Variants in DDX60 observed in about 807,000 individuals in gnomAD.
DDX60 encodes DExD/H-box helicase 60.
DDX60 carries 165 observed loss-of-function variants against 212.8 expected under a neutral mutation model. The ratio of observed to expected loss-of-function variants is 0.78; its 90% CI spans 0.68 to 0.88. The LOEUF is 0.88. Ranked by LOEUF, DDX60 falls within the 40% of genes least tolerant of loss-of-function variation. The pLI is 0.00. For missense variants in DDX60, 1,905 were observed against 2,003.9 expected, an observed-to-expected ratio of 0.95 and a Z score of 0.94; for synonymous variants, 703 against 685.3, an observed-to-expected ratio of 1.03 and a Z score of -0.40.
At chr4:168,270,657 T>C (rs929539132) in intron 19 of DDX60, among the ~76,000 whole-genome samples, 11 of 152,182 alleles carry the variant, frequency 7.2e-5, no homozygotes, top group East Asian at 1.9e-4. Flanking sequence ...TGATGCAATA[T>C]GAGATTAACC....
intron 33 of DDX60, among the ~76,000 whole-genome samples, chr4:168,227,063 G>A (rs1733281718): frequency 6.6e-6 from 1 of 151,992 alleles, no homozygotes; most frequent in African/African-American, 2.4e-5. Context: ...TAAAAAGTTG[G>A]TGTTATTCTC....
chr4:168,301,744 A>G (rs1394130462), intron 6 of DDX60, among the ~76,000 whole-genome samples: 1 of 152,226 alleles, frequency 6.6e-6, no homozygotes, highest in Non-Finnish European at 1.5e-5. Flanking sequence ...GTTTGAGAAG[A>G]AACAGGATCT....
intron 30 of DDX60, among the ~76,000 whole-genome samples, chr4:168,243,241 T>C (rs938189971): frequency 2.0e-5 from 3 of 152,168 alleles, no homozygotes; most frequent in African/African-American, 7.2e-5. Flanking sequence ...CCCAAAGCAA[T>C]TGCAACAAAA....
At chr4:168,250,629 G>A (rs561042916) in intron 28 of DDX60, among the ~76,000 whole-genome samples, 1 of 150,820 alleles carries the variant, frequency 6.6e-6, no homozygotes, top group African/African-American at 2.4e-5. Context: ...GGGTTCAAGC[G>A]ATTCTTCTGC....
intron 6 of DDX60, among the ~76,000 whole-genome samples, chr4:168,300,734 C>T (rs1447317317): frequency 6.6e-6 from 1 of 151,974 alleles, no homozygotes; most frequent in East Asian, 1.9e-4. Context: ...AACTGTATTA[C>T]ATAATAAAGG....
At chr4:168,284,777 T>TA in intron 12 of DDX60, 43 bp downstream of exon 12, 2 of 970,486 alleles carry the variant, frequency 2.1e-6, no homozygotes, top group Non-Finnish European at 3.0e-6. Context: ...AGGCAGAGAG[T>TA]AAAGTAGATT....
chr4:168,311,331 C>T lies in DDX60; in HGVS notation c.-72G>A. 1 of 1,534,318 alleles carries T rather than the reference C, an allele frequency of 6.5e-7. No homozygotes were observed. The highest frequency in any genetic ancestry group is 8.9e-7 in the Non-Finnish European group (1 of 1,120,860). ...GTAGCAAATACCCTTTATTTTGGTA[C>T]CTCTAAGTGGCAGTTCTTAATGAAA... On this transcript the variant is annotated 5_prime_UTR_variant, in exon 2 of 38. Transcript: ENST00000393743.
At chr4:168,238,236 C>CG in intron 30 of DDX60, among the ~76,000 whole-genome samples, 1 of 80,892 alleles carries the variant, frequency 1.2e-5, no homozygotes, top group Non-Finnish European at 2.5e-5. Flanking sequence ...TATGAAATTC[C>CG]AAAAAAAAAA....
chr4:168,293,764 C>T (rs1387434160), intron 7 of DDX60, 23 bp downstream of exon 7: 2 of 1,565,770 alleles, frequency 1.3e-6, no homozygotes, highest in Non-Finnish European at 1.7e-6. Context: ...TAGTATTTCT[C>T]AGTAAAGTTA....
In DDX60 at chr4:168,278,574, C is replaced by T. The variant is rs2149524112; in HGVS notation, c.1978+1761G>A. On this transcript the variant is annotated intron_variant, in intron 14 of 37. Coordinates refer to ENST00000393743, the MANE Select transcript of DDX60 (RefSeq NM_017631.6). ...GCTCAGTGGCTCACGCCTGTAATCC[C>T]AGCAATTTGAAAAGCTAAGGTGGGC... is the stretch of plus-strand genomic sequence containing the variant. 2.0e-5 allele frequency among the ~76,000 whole-genome samples: 3 copies of T among 152,296 alleles called. No homozygotes were observed. In the Middle Eastern group the frequency reaches 0.01, roughly 518 times the overall value.
At chr4:168,306,781 C>T in intron 4 of DDX60, 61 bp from the exon 5 acceptor site, 1 of 1,288,124 alleles carries the variant, frequency 7.8e-7, no homozygotes, top group Non-Finnish European at 1.1e-6. Flanking sequence ...ATTTAGTTGG[C>T]TAACACATCA....
At chr4:168,307,182 T>C (rs891252974) in intron 4 of DDX60, among the ~76,000 whole-genome samples, 7 of 152,084 alleles carry the variant, frequency 4.6e-5, no homozygotes, top group Non-Finnish European at 8.8e-5. Flanking sequence ...AAACATTAGA[T>C]CGGAAGCCTA....
chr4:168,310,133 T>C (rs1737066294), intron 3 of DDX60, among the ~76,000 whole-genome samples: 1 of 152,202 alleles, frequency 6.6e-6, no homozygotes, highest in African/African-American at 2.4e-5. Flanking sequence ...CAAAGTACTT[T>C]TGATATTGGA....
chr4:168,247,186 G>A, intron 29 of DDX60, among the ~76,000 whole-genome samples: 1 of 152,122 alleles, frequency 6.6e-6, no homozygotes, highest in East Asian at 1.9e-4. Context: ...TTAGACTATG[G>A]TAAGGCACTG....
intron 10 of DDX60, among the ~76,000 whole-genome samples, chr4:168,286,369 T>C (rs1451264881): frequency 1.4e-5 from 2 of 141,438 alleles, no homozygotes; most frequent in Non-Finnish European, 3.1e-5. Flanking sequence ...CAGTATTCTC[T>C]TGAGTCCTCC....
At chr4:168,237,836 G>T in intron 30 of DDX60, 41 bp from the exon 31 acceptor site, 1 of 1,412,842 alleles carries the variant, frequency 7.1e-7, no homozygotes, top group Non-Finnish European at 9.8e-7. Flanking sequence ...AATGTTAAGT[G>T]TTACGAAATA....
intron 37 of DDX60, among the ~76,000 whole-genome samples, chr4:168,218,473 A>T (rs1240622828): frequency 6.6e-6 from 1 of 152,076 alleles, no homozygotes; most frequent in Non-Finnish European, 1.5e-5. Context: ...CAATTCCCTT[A>T]ATTCAGACCT....
upstream of DDX60, among the ~76,000 whole-genome samples, chr4:168,323,616 A>G (rs554857713): frequency 3.9e-5 from 6 of 152,338 alleles, no homozygotes; most frequent in South Asian, 1.2e-3. Context: ...TAGAACTCCA[A>G]AGGGGATAAG....
At chr4:168,229,058 C>T (rs1469641021) in intron 33 of DDX60, among the ~76,000 whole-genome samples, 1 of 152,046 alleles carries the variant, frequency 6.6e-6, no homozygotes, top group South Asian at 2.1e-4. Flanking sequence ...ACAGACAGAT[C>T]AGCATGTGGA....
Sources: gnomAD v4.1 joint callset for allele counts (sites outside exome capture counted in the v4.1 genomes callset) on GRCh38, gnomAD v4.1.1 for gene constraint, MANE v1.5 for transcripts, NCBI Gene and HGNC (gene_info 2026-07-23, HGNC 2026-07-21) for gene names.